The following MYO9A variants were observed in gnomAD, a reference collection of about 807,000 sequenced individuals.
The protein encoded by MYO9A is myosin IXA, also known as unconventional myosin-IXa.
In MYO9A, 103 loss-of-function variants were observed where a neutral mutation model predicts 293.3. That is an observed-to-expected ratio of 0.35 (90% CI 0.30 to 0.41). The LOEUF (loss-of-function observed/expected upper bound fraction) is 0.41, where lower values mean the gene tolerates loss of function less well. MYO9A is among the 10% of genes least tolerant of loss of function. The probability of loss-of-function intolerance (pLI) is 1.00; values close to 1 mark genes in which losing one functional copy is unlikely to be tolerated. For synonymous variants in MYO9A, 1,001 were observed against 1,035.7 expected (o/e 0.97, Z 0.64); for missense variants, 2,685 against 3,033.0 (o/e 0.89, Z 2.69).
At chr15:71,934,795 T>TC (rs1567290522) in intron 17 of MYO9A, among the ~76,000 whole-genome samples, 2 of 139,092 alleles carry the variant, frequency 1.4e-5, no homozygotes, top group African/African-American at 2.7e-5. Flanking sequence ...TCTTTTTTTT[T>TC]TTTTTTTTTT....
intron 15 of MYO9A, among the ~76,000 whole-genome samples, chr15:71,943,861 C>T (rs1012408269): frequency 6.6e-6 from 1 of 152,092 alleles, no homozygotes; most frequent in African/African-American, 2.4e-5. Flanking sequence ...TGAATATATA[C>T]TTTCATTTCT....
chr15:71,847,126 AT>A (rs1289605893), intron 39 of MYO9A, among the ~76,000 whole-genome samples: 1 of 152,226 alleles, frequency 6.6e-6, no homozygotes, highest in Non-Finnish European at 1.5e-5. Context: ...CCTTTTAATG[AT>A]TCAACCAAAG....
intron 4 of MYO9A, 35 bp downstream of exon 4, chr15:72,027,696 T>C: frequency 6.6e-7 from 1 of 1,520,922 alleles, no homozygotes; most frequent in East Asian, 2.3e-5. Context: ...ATACAAATGT[T>C]AACTTCATCT....
At chr15:71,921,718 G>T (rs2058159812) in intron 18 of MYO9A, among the ~76,000 whole-genome samples, 1 of 152,100 alleles carries the variant, frequency 6.6e-6, no homozygotes, top group Admixed American at 6.5e-5. Context: ...AAGTAAAAAG[G>T]TCAAAAAGTT....
intron 12 of MYO9A, among the ~76,000 whole-genome samples, chr15:71,971,835 G>A (rs929072287): frequency 3.3e-5 from 5 of 151,204 alleles, no homozygotes; most frequent in South Asian, 2.1e-4. Flanking sequence ...TTTCATCCAC[G>A]GTTCCTGGCT....
At chr15:71,935,290 A>T (rs1281995667) in intron 17 of MYO9A, 51 bp downstream of exon 17, 3 of 1,510,186 alleles carry the variant, frequency 2.0e-6, no homozygotes, top group Non-Finnish European at 2.7e-6. Context: ...ATTTTAAACC[A>T]GACAAAAAAC....
Position 71,898,523 on chromosome 15 carries a change from G to C in MYO9A, c.3980C>G (p.Ser1327Cys). The change falls in exon 25 of 42, where the codon TCT becomes TGT. Residue 1327 changes from serine (S) to cysteine (C), a missense_variant. Ser to Cys is a moderately radical substitution (Grantham distance 112, BLOSUM62 -1). This residue lies in a region of MYO9A where 1,434 missense variants were observed against 1,497.7 expected (regional missense o/e 0.96). Transcript: ENST00000356056. ...GCTCAGAAGTTCCAAGCTTCCTTGA[G>C]AGCTCTCACTATCAGGTGTACCCCG... is the stretch of plus-strand genomic sequence containing the variant. ...SPRGTPDSES[S>C]QGSLELLSYE... 6.2e-7 allele frequency: 1 copy of C among 1,613,854 alleles called. No homozygotes were observed. Among genetic ancestry groups the C allele is most frequent in the Non-Finnish European group, 8.5e-7 (1 of 1,179,982 alleles).
chr15:72,025,844 G>T (rs557704290), intron 4 of MYO9A, among the ~76,000 whole-genome samples: 136 of 152,196 alleles, frequency 8.9e-4, no homozygotes, highest in African/African-American at 3.2e-3. Flanking sequence ...ACATAAGGAG[G>T]ATATATTCAT....
intron 1 of MYO9A, among the ~76,000 whole-genome samples, chr15:72,070,327 G>A (rs1250522760): frequency 6.7e-6 from 1 of 149,854 alleles, no homozygotes; most frequent in South Asian, 2.1e-4. Context: ...GGTGGCACAC[G>A]CCTGCAGTCC....
At chr15:71,948,370 C>T (rs1219580288) in intron 15 of MYO9A, among the ~76,000 whole-genome samples, 1 of 152,096 alleles carries the variant, frequency 6.6e-6, no homozygotes, top group Non-Finnish European at 1.5e-5. Flanking sequence ...TAAACCAAAC[C>T]CACTGCCTGT....
At chr15:71,959,565 G>C (rs2059278286) in intron 14 of MYO9A, 1 of 185,150 alleles carries the variant, frequency 5.4e-6, no homozygotes, top group East Asian at 1.4e-4. Flanking sequence ...GAAGGGGGAG[G>C]CATACAGAAA....
intron 19 of MYO9A, among the ~76,000 whole-genome samples, chr15:71,907,299 T>C (rs1158684324): frequency 1.3e-5 from 2 of 149,636 alleles, no homozygotes; most frequent in Non-Finnish European, 3.0e-5. Flanking sequence ...CTGCGTAGTA[T>C]TCCATGGTGT....
intron 30 of MYO9A, 144 bp from the exon 31 acceptor site, chr15:71,878,375 T>C (rs2056759346): frequency 2.0e-6 from 1 of 511,058 alleles, no homozygotes; most frequent in Non-Finnish European, 3.2e-6. Context: ...CATGAGGTCA[T>C]GTGGTATTTG....
At chr15:71,862,708 T>A (rs1400856870) in intron 32 of MYO9A, 97 bp from the exon 33 acceptor site, 14 of 683,786 alleles carry the variant, frequency 2.0e-5, no homozygotes, top group Non-Finnish European at 3.3e-5. Context: ...AAGTCTTCAC[T>A]AGGCACTAAT....
At chr15:72,114,013 C>A (rs557287679) in intron 1 of MYO9A, among the ~76,000 whole-genome samples, 22 of 152,284 alleles carry the variant, frequency 1.4e-4, no homozygotes, top group Admixed American at 1.2e-3. Flanking sequence ...GGGAAAAAAA[C>A]TGAAGAAAGA....
intron 32 of MYO9A, among the ~76,000 whole-genome samples, chr15:71,872,297 G>A (rs2056538874): frequency 6.6e-6 from 1 of 151,858 alleles, no homozygotes; most frequent in Non-Finnish European, 1.5e-5. Flanking sequence ...TTCATAATAT[G>A]GCCTTGCTCT....
At chr15:71,931,266 A>C (rs1490818533) in intron 18 of MYO9A, among the ~76,000 whole-genome samples, 1 of 152,196 alleles carries the variant, frequency 6.6e-6, no homozygotes, top group Non-Finnish European at 1.5e-5. Context: ...AGAAAGTAGA[A>C]CTCTACTTGT....
At chr15:72,084,880 A>G (rs2079666614) in intron 1 of MYO9A, among the ~76,000 whole-genome samples, 1 of 152,132 alleles carries the variant, frequency 6.6e-6, no homozygotes, top group Admixed American at 6.5e-5. Context: ...AGATCCTGAA[A>G]TATATTTTCC....
Position 71,946,429 on chromosome 15 carries a change from A to C in MYO9A, c.2302+5348T>G, listed in dbSNP as rs772341610. 7.9e-5 allele frequency among the ~76,000 whole-genome samples: 12 copies of C among 152,228 alleles called. No individual in the cohort carries two copies. The South Asian group carries it at 2.1e-3, about 26-fold the overall frequency. Reference sequence around the variant, plus strand: ...TGATTTTAATAACCGTTGACGTTCAAGGAATTTTTCCATTTCACGTAAGTT... The same window carrying C: ...TGATTTTAATAACCGTTGACGTTCACGGAATTTTTCCATTTCACGTAAGTT... On this transcript the variant is annotated intron_variant, in intron 15 of 41. Coordinates refer to ENST00000356056, the MANE Select transcript of MYO9A (RefSeq NM_006901.4).
Sources: gnomAD v4.1 joint callset for allele counts (sites outside exome capture counted in the v4.1 genomes callset) on GRCh38, gnomAD v4.1.1 for gene constraint, gnomAD v4.1.1 regional missense constraint, MANE v1.5 for transcripts, NCBI Gene and HGNC (gene_info 2026-07-23, HGNC 2026-07-21) for gene names.